The following DIAPH2 variants were observed in gnomAD, a reference collection of about 807,000 sequenced individuals.
DIAPH2 encodes protein diaphanous homolog 2.
In DIAPH2, 35 loss-of-function variants were observed where a neutral mutation model predicts 92.7. That is an observed-to-expected ratio of 0.38 (90% CI 0.29 to 0.50). The LOEUF is 0.50. DIAPH2 is among the 20% of genes least tolerant of loss of function. The pLI is 0.94. For synonymous variants in DIAPH2, 301 were observed against 280.4 expected, an observed-to-expected ratio of 1.07 and a Z score of -0.73; for missense variants, 701 against 819.5, an observed-to-expected ratio of 0.86 and a Z score of 1.77.
In DIAPH2 at chrX:96,930,737, C is replaced by T. The variant is rs763957631; in HGVS notation, c.983C>T (p.Ala328Val). The T allele has an allele frequency of 8.4e-7, 1 of 1,193,667 alleles. No homozygotes were observed. Among genetic ancestry groups the T allele is most frequent in the Non-Finnish European group, 1.1e-6 (1 of 888,081 alleles). Residue 328 changes from alanine to valine, a missense_variant, in exon 10 of 27, where the codon GCC becomes GTC. Ala to Val is a moderately conservative substitution (Grantham distance 64). This residue lies in a region of DIAPH2 where 536 missense variants were observed against 599.3 expected (regional missense o/e 0.89). Transcript: ENST00000324765. ...ENQEALQLQVACMQFINALVT... is the reference protein window; with the variant it reads ...ENQEALQLQVVCMQFINALVT... Reference sequence around the variant, plus strand: ...AAATTTGCTTTCTAATTGCAGGTGGCCTGCATGCAGTTTATAAATGCCCTT... The same window carrying T: ...AAATTTGCTTTCTAATTGCAGGTGGTCTGCATGCAGTTTATAAATGCCCTT...
chrX:97,325,019 C>T (rs1211445656), intron 23 of DIAPH2, among the ~76,000 whole-genome samples: 3 of 111,348 alleles, frequency 2.7e-5, no homozygotes, highest in Non-Finnish European at 5.7e-5. Context: ...AGGCTGGTCT[C>T]AAACTCCTGA....
intron 23 of DIAPH2, among the ~76,000 whole-genome samples, chrX:97,312,914 C>T (rs769303206): frequency 2.7e-5 from 3 of 110,484 alleles, no homozygotes; most frequent in Non-Finnish European, 5.7e-5. Flanking sequence ...CGCGGTGGCT[C>T]ACACCTGTAA....
chrX:97,213,618 C>T (rs1231160945), intron 22 of DIAPH2, among the ~76,000 whole-genome samples: 1 of 111,916 alleles, frequency 8.9e-6, no homozygotes, highest in Non-Finnish European at 1.9e-5. Flanking sequence ...GTTTCCAAAA[C>T]CGTAACTGTA....
At chrX:96,759,674 T>C (rs2064255678) in intron 4 of DIAPH2, among the ~76,000 whole-genome samples, 1 of 111,706 alleles carries the variant, frequency 9.0e-6, no homozygotes, top group South Asian at 3.7e-4. Flanking sequence ...GTACAGATAA[T>C]AACATATGAA....
intron 26 of DIAPH2, among the ~76,000 whole-genome samples, chrX:97,496,457 G>A: frequency 9.2e-6 from 1 of 108,902 alleles, no homozygotes; most frequent in Non-Finnish European, 1.9e-5. Context: ...TTACAGGCGT[G>A]AGCCACCACG....
chrX:96,942,862 T>C (rs1434341126), intron 13 of DIAPH2, among the ~76,000 whole-genome samples: 5 of 111,276 alleles, frequency 4.5e-5, no homozygotes, highest in African/African-American at 1.6e-4. Context: ...TGAACTCATT[T>C]GTCTTATATT....
chrX:96,762,491 T>G (rs1374342061), intron 4 of DIAPH2, among the ~76,000 whole-genome samples: 4 of 111,350 alleles, frequency 3.6e-5, no homozygotes, highest in Admixed American at 1.9e-4. Context: ...AATTTTCAAG[T>G]ATAATATAAA....
chrX:96,942,699 A>G (rs1249981431), intron 13 of DIAPH2, among the ~76,000 whole-genome samples: 2 of 111,280 alleles, frequency 1.8e-5, no homozygotes, highest in African/African-American at 6.5e-5. Flanking sequence ...ATGACTTTAT[A>G]TCATCCTAGA....
chrX:96,958,240 C>T (rs150704351), intron 16 of DIAPH2, 92 bp downstream of exon 16: 11,485 of 977,844 alleles, frequency 0.012, 74 homozygotes, highest in Non-Finnish European at 0.012. Flanking sequence ...AGTATGACTG[C>T]TGACTCTTTC....
intron 17 of DIAPH2, among the ~76,000 whole-genome samples, chrX:96,972,112 T>G (rs1264546220): frequency 9.0e-6 from 1 of 111,706 alleles, no homozygotes; most frequent in Non-Finnish European, 1.9e-5. Flanking sequence ...CTCACTCAGC[T>G]GCATTCTGGA....
intron 1 of DIAPH2, among the ~76,000 whole-genome samples, chrX:96,723,775 A>T (rs1445713453): frequency 8.9e-6 from 1 of 111,785 alleles, no homozygotes; most frequent in Non-Finnish European, 1.9e-5. Flanking sequence ...GTTGAAAATA[A>T]GTTTAACATT....
intron 26 of DIAPH2, among the ~76,000 whole-genome samples, chrX:97,456,616 G>A (rs1450352782): frequency 2.7e-5 from 3 of 111,469 alleles, no homozygotes; most frequent in Admixed American, 9.5e-5. Flanking sequence ...TCTCCTAATT[G>A]TGTGGCTTGG....
At chrX:97,247,877 A>G (rs1490356687) in intron 23 of DIAPH2, 38 bp downstream of exon 23, 1 of 1,161,794 alleles carries the variant, frequency 8.6e-7, no homozygotes, top group African/African-American at 1.8e-5. Flanking sequence ...TCTAGTTTTT[A>G]GTCTCTATGT....
chrX:96,924,718 C>T (rs919195197), intron 9 of DIAPH2, among the ~76,000 whole-genome samples: 2 of 110,889 alleles, frequency 1.8e-5, no homozygotes, highest in South Asian at 3.8e-4. Context: ...CCTCAGGAAA[C>T]GTACAATTGT....
chrX:96,713,029 A>T (rs144131873), intron 1 of DIAPH2, among the ~76,000 whole-genome samples: 1 of 110,848 alleles, frequency 9.0e-6, no homozygotes, highest in East Asian at 2.8e-4. Context: ...GCTATCTACT[A>T]TGAAGAGTGG....
At chrX:97,593,797 A>G (rs1482050476) in intron 26 of DIAPH2, among the ~76,000 whole-genome samples, 1 of 111,793 alleles carries the variant, frequency 8.9e-6, no homozygotes, top group African/African-American at 3.2e-5. Flanking sequence ...CTAAGATCCC[A>G]ATAGATAAAT....
At position 96,703,760 on chromosome X, in the gene DIAPH2, A is replaced by T. The variant is rs181185047; in HGVS notation, c.132+18570A>T. ...TGTCCTCAATCAAGTGTTATCATGAATTTTTTTTCCGTTTGCATATATCAA... is the reference window on the plus strand; with the variant it reads ...TGTCCTCAATCAAGTGTTATCATGATTTTTTTTTCCGTTTGCATATATCAA... On this transcript the variant is annotated intron_variant, in intron 1 of 26. Transcript: ENST00000324765. 7.6e-3 allele frequency among the ~76,000 whole-genome samples: 844 copies of T among 111,489 alleles called. 28 individuals are homozygous for T. Among genetic ancestry groups the T allele is most frequent in the Admixed American group, 0.062 (643 of 10,445 alleles).
chrX:96,947,510 A>G (rs1212701452), intron 14 of DIAPH2, among the ~76,000 whole-genome samples: 12 of 111,220 alleles, frequency 1.1e-4, no homozygotes, highest in African/African-American at 3.9e-4. Context: ...TAAAGAAATT[A>G]GAGAATATTT....
chrX:97,074,781 G>A (rs1464674135), intron 18 of DIAPH2, among the ~76,000 whole-genome samples: 1 of 111,560 alleles, frequency 9.0e-6, no homozygotes, highest in African/African-American at 3.3e-5. Flanking sequence ...ACTGTGTTGG[G>A]TGCATCTGAC....
Sources: allele counts gnomAD v4.1 joint callset (sites outside exome capture counted in the v4.1 genomes callset), GRCh38; gene constraint gnomAD v4.1.1; regional missense constraint gnomAD v4.1.1; transcripts MANE v1.5; gene names NCBI Gene and HGNC (gene_info 2026-07-23, HGNC 2026-07-21).